The following ZBTB16 variants were observed in gnomAD, a reference collection of about 807,000 sequenced individuals.
The protein encoded by ZBTB16 is zinc finger and BTB domain-containing protein 16.
ZBTB16 carries 8 observed loss-of-function variants against 56.8 expected under a neutral mutation model. The ratio of observed to expected loss-of-function variants is 0.14; its 90% CI spans 0.08 to 0.25. The LOEUF (loss-of-function observed/expected upper bound fraction) is 0.25, where lower values mean the gene tolerates loss of function less well. ZBTB16 is among the 10% of genes least tolerant of loss of function. The pLI, the probability that ZBTB16 is intolerant of heterozygous loss-of-function variation, is 1.00. For missense variants in ZBTB16, 625 were observed against 903.0 expected (o/e 0.69, Z 3.95); for synonymous variants, 363 against 368.5 (o/e 0.98, Z 0.17).
At chr11:114,201,250 GGGA>G (rs995884236) in intron 4 of ZBTB16, among the ~76,000 whole-genome samples, 106 of 152,010 alleles carry the variant, frequency 7.0e-4, no homozygotes, top group Non-Finnish European at 1.2e-3. Flanking sequence ...TGGGAGGAGG[GGGA>G]GGAGGAGGAG....
chr11:114,173,490 G>A (rs576788292), intron 3 of ZBTB16, among the ~76,000 whole-genome samples: 8 of 152,164 alleles, frequency 5.3e-5, no homozygotes, highest in Non-Finnish European at 1.0e-4. Flanking sequence ...ATCCGTACCC[G>A]TATATGTGTA....
intron 3 of ZBTB16, among the ~76,000 whole-genome samples, chr11:114,171,914 G>A (rs988050607): frequency 6.6e-6 from 1 of 152,252 alleles, no homozygotes; most frequent in Non-Finnish European, 1.5e-5. Context: ...GAGGCGTTCC[G>A]CCTCTGCCTG....
At chr11:114,228,629 G>A (rs549056424) in intron 4 of ZBTB16, among the ~76,000 whole-genome samples, 6 of 152,294 alleles carry the variant, frequency 3.9e-5, no homozygotes, top group African/African-American at 1.2e-4. Context: ...GGCTGGGAGC[G>A]TGTTGATACG....
At chr11:114,249,771 C>A (rs1434986452) in intron 6 of ZBTB16, among the ~76,000 whole-genome samples, 73 of 59,320 alleles carry the variant, frequency 1.2e-3, no homozygotes, top group Non-Finnish European at 1.2e-3. Flanking sequence ...GACTCCGTCT[C>A]AAAAAAAAAA....
intron 2 of ZBTB16, among the ~76,000 whole-genome samples, chr11:114,124,852 A>G (rs238890): frequency 0.44 from 67,311 of 152,046 alleles, 15,213 homozygotes; most frequent in African/African-American, 0.51. Flanking sequence ...GTGCAGCACG[A>G]GGGTGCTGTG....
intron 2 of ZBTB16, among the ~76,000 whole-genome samples, chr11:114,074,423 TG>T (rs1003630456): frequency 2.0e-5 from 3 of 152,220 alleles, no homozygotes; most frequent in Admixed American, 6.5e-5. Flanking sequence ...GGGGGAAATG[TG>T]GAGGGATTGT....
intron 2 of ZBTB16, among the ~76,000 whole-genome samples, chr11:114,138,351 T>G (rs1008103397): frequency 1.3e-5 from 2 of 152,140 alleles, no homozygotes; most frequent in African/African-American, 4.8e-5. Context: ...CCGATGGCAA[T>G]CAACTTCACG....
At chr11:114,067,462 A>G (rs1329917444) in intron 2 of ZBTB16, among the ~76,000 whole-genome samples, 4 of 152,122 alleles carry the variant, frequency 2.6e-5, no homozygotes, top group African/African-American at 9.7e-5. Context: ...GCTGCAGTGC[A>G]GTGGCATGAT....
At chr11:114,124,428 C>T (rs1480189847) in intron 2 of ZBTB16, among the ~76,000 whole-genome samples, 3 of 151,688 alleles carry the variant, frequency 2.0e-5, no homozygotes, top group Non-Finnish European at 2.9e-5. Flanking sequence ...CCTCTTTCGC[C>T]AACCCCCTAC....
chr11:114,095,051 G>A (rs900328867), intron 2 of ZBTB16, among the ~76,000 whole-genome samples: 1 of 152,142 alleles, frequency 6.6e-6, no homozygotes, highest in Non-Finnish European at 1.5e-5. Flanking sequence ...CGTGAGAGGG[G>A]GTTTATGGCA....
intron 4 of ZBTB16, among the ~76,000 whole-genome samples, chr11:114,208,898 G>A (rs537436689): frequency 2.0e-4 from 30 of 152,226 alleles, no homozygotes; most frequent in Admixed American, 1.1e-3. Flanking sequence ...TTTTTGATTC[G>A]GCGTCATCCG....
intron 2 of ZBTB16, among the ~76,000 whole-genome samples, chr11:114,076,472 G>A (rs941759481): frequency 3.3e-5 from 5 of 152,104 alleles, no homozygotes; most frequent in African/African-American, 9.7e-5. Context: ...CTCTTGCCCC[G>A]CTTAGAGCCG....
chr11:114,106,499 C>T (rs538665369), intron 2 of ZBTB16, among the ~76,000 whole-genome samples: 1 of 144,814 alleles, frequency 6.9e-6, no homozygotes, highest in African/African-American at 2.6e-5. Flanking sequence ...GAGACAGAGT[C>T]TTGCTCTGGC....
At chr11:114,070,102 T>C (rs1367543128) in intron 2 of ZBTB16, among the ~76,000 whole-genome samples, 2 of 136,442 alleles carry the variant, frequency 1.5e-5, no homozygotes, top group East Asian at 4.3e-4. Context: ...TTCTTTTTTT[T>C]TTTTTTTTTT....
intron 2 of ZBTB16, among the ~76,000 whole-genome samples, chr11:114,127,019 T>C (rs897865447): frequency 6.6e-6 from 1 of 152,174 alleles, no homozygotes; most frequent in Admixed American, 6.5e-5. Context: ...GAGCAGAGGT[T>C]AGGGAATGCT....
intron 4 of ZBTB16, among the ~76,000 whole-genome samples, chr11:114,236,959 G>T (rs961922315): frequency 2.0e-5 from 3 of 152,226 alleles, no homozygotes; most frequent in African/African-American, 7.2e-5. Context: ...ACTCCTCAAA[G>T]ATGCCTTCTC....
chr11:114,242,483 T>C, intron 5 of ZBTB16, 146 bp downstream of exon 5: 1 of 1,190,212 alleles, frequency 8.4e-7, no homozygotes, highest in Non-Finnish European at 1.2e-6. Flanking sequence ...CTGCCCGTCG[T>C]GCAGGTAAAT....
intron 3 of ZBTB16, among the ~76,000 whole-genome samples, chr11:114,174,585 C>G (rs1019771001): frequency 6.6e-6 from 1 of 152,144 alleles, no homozygotes; most frequent in Admixed American, 6.5e-5. Flanking sequence ...ATGCCACTTG[C>G]AACTGTCTTT....
At chr11:114,131,270 A>T (rs1036743333) in intron 2 of ZBTB16, among the ~76,000 whole-genome samples, 1 of 152,198 alleles carries the variant, frequency 6.6e-6, no homozygotes, top group Non-Finnish European at 1.5e-5. Flanking sequence ...TGAACAGGAC[A>T]GTCTCCTTCT....
Sources: gnomAD v4.1 joint callset for allele counts (sites outside exome capture counted in the v4.1 genomes callset) on GRCh38, gnomAD v4.1.1 for gene constraint, MANE v1.5 for transcripts, NCBI Gene and HGNC (gene_info 2026-07-23, HGNC 2026-07-21) for gene names.